The following CAMKMT variants were observed in gnomAD, a reference collection of about 807,000 sequenced individuals.
The protein encoded by CAMKMT is calmodulin-lysine N-methyltransferase.
Under a neutral mutation model 48.0 loss-of-function variants are expected in CAMKMT, and 53 were observed. The ratio of observed to expected loss-of-function variants is 1.10; its 90% CI spans 0.89 to 1.39. The LOEUF is 1.39. Ranked by LOEUF, CAMKMT falls within the 40% of genes most tolerant of loss-of-function variation. The pLI is 0.00. For synonymous variants in CAMKMT, 165 were observed against 152.3 expected (o/e 1.08, Z -0.61); for missense variants, 428 against 402.7 (o/e 1.06, Z -0.54).
chr2:44,621,875 T>C (rs955764504), intron 3 of CAMKMT, among the ~76,000 whole-genome samples: 1 of 152,232 alleles, frequency 6.6e-6, no homozygotes, highest in Non-Finnish European at 1.5e-5. Flanking sequence ...GATAAAAGAC[T>C]ATTGCATTAT....
intron 3 of CAMKMT, among the ~76,000 whole-genome samples, chr2:44,436,650 A>T (rs976172892): frequency 1.3e-5 from 2 of 152,064 alleles, no homozygotes; most frequent in Non-Finnish European, 2.9e-5. Context: ...TCTGAGGGCC[A>T]GATTTGACCA....
intron 3 of CAMKMT, among the ~76,000 whole-genome samples, chr2:44,493,388 G>T (rs969934113): frequency 2.0e-5 from 3 of 152,168 alleles, no homozygotes; most frequent in Admixed American, 6.5e-5. Context: ...TTTTAGTTCT[G>T]GACTTCTACT....
intron 3 of CAMKMT, among the ~76,000 whole-genome samples, chr2:44,437,301 C>T (rs1288369375): frequency 6.6e-6 from 1 of 152,098 alleles, no homozygotes; most frequent in African/African-American, 2.4e-5. Flanking sequence ...TCTCCAACTC[C>T]TTAATTCATT....
chr2:44,614,997 C>A (rs1671806407), intron 3 of CAMKMT, among the ~76,000 whole-genome samples: 1 of 118,708 alleles, frequency 8.4e-6, no homozygotes, highest in Non-Finnish European at 1.6e-5. Flanking sequence ...GGCTAGAGTG[C>A]AGTGGTGACA....
At chr2:44,486,872 C>G (rs1314285120) in intron 3 of CAMKMT, among the ~76,000 whole-genome samples, 3 of 152,158 alleles carry the variant, frequency 2.0e-5, no homozygotes, top group African/African-American at 7.2e-5. Flanking sequence ...AATTTAGATT[C>G]CAGTGCCTAA....
chr2:44,704,938 GAAAA>G (rs201771458), intron 4 of CAMKMT, among the ~76,000 whole-genome samples: 1 of 134,440 alleles, frequency 7.4e-6, no homozygotes, highest in Non-Finnish European at 1.6e-5. Flanking sequence ...TGGAATTTAG[GAAAA>G]AAAAAAAAAA....
intron 3 of CAMKMT, among the ~76,000 whole-genome samples, chr2:44,633,113 C>T (rs909703205): frequency 2.6e-5 from 4 of 152,184 alleles, no homozygotes; most frequent in African/African-American, 9.6e-5. Context: ...ATTCCATTGT[C>T]CCCTGGCTTC....
At chr2:44,616,260 T>C (rs1002419747) in intron 3 of CAMKMT, among the ~76,000 whole-genome samples, 6 of 152,160 alleles carry the variant, frequency 3.9e-5, no homozygotes, top group African/African-American at 1.2e-4. Flanking sequence ...AAAACACAAG[T>C]TTGCTCCTGT....
intron 3 of CAMKMT, among the ~76,000 whole-genome samples, chr2:44,398,106 C>A (rs1682024314): frequency 6.6e-6 from 1 of 152,122 alleles, no homozygotes; most frequent in Non-Finnish European, 1.5e-5. Context: ...CAGTATTTGT[C>A]AGGAGCTTTG....
intron 7 of CAMKMT, among the ~76,000 whole-genome samples, chr2:44,726,996 T>C (rs979068770): frequency 6.6e-6 from 1 of 152,180 alleles, no homozygotes; most frequent in Non-Finnish European, 1.5e-5. Flanking sequence ...TTTATACCAG[T>C]ACCAAGCTGT....
intron 3 of CAMKMT, among the ~76,000 whole-genome samples, chr2:44,635,733 G>C (rs1449592030): frequency 1.3e-5 from 2 of 152,184 alleles, no homozygotes; most frequent in Admixed American, 1.3e-4. Flanking sequence ...CAGTTCCAGG[G>C]TTTTGTAGCT....
chr2:44,391,005 A>G (rs1377110364), intron 3 of CAMKMT, among the ~76,000 whole-genome samples: 2 of 152,176 alleles, frequency 1.3e-5, no homozygotes, highest in Admixed American at 1.3e-4. Flanking sequence ...TGTTTTTTGT[A>G]TAGGACATTT....
intron 3 of CAMKMT, among the ~76,000 whole-genome samples, chr2:44,400,279 T>A (rs990052281): frequency 2.6e-5 from 4 of 152,174 alleles, no homozygotes; most frequent in African/African-American, 7.2e-5. Context: ...CAATAATTTT[T>A]AAAAAATTAC....
At chr2:44,378,168 G>A (rs945790232) in intron 2 of CAMKMT, among the ~76,000 whole-genome samples, 2 of 152,142 alleles carry the variant, frequency 1.3e-5, no homozygotes, top group African/African-American at 4.8e-5. Flanking sequence ...AGAAAACTGT[G>A]AATTCCATTG....
intron 3 of CAMKMT, among the ~76,000 whole-genome samples, chr2:44,588,830 G>A (rs1180039834): frequency 1.6e-4 from 6 of 37,176 alleles, no homozygotes. Context: ...GGTGGGGGGG[G>A]TCAGCCCCCC....
intron 3 of CAMKMT, among the ~76,000 whole-genome samples, chr2:44,565,270 T>G (rs77009028): frequency 0.028 from 4,193 of 152,038 alleles, 188 homozygotes; most frequent in African/African-American, 0.096. Flanking sequence ...GAAAAAGAAA[T>G]AAACATTAAA....
chr2:44,401,787 G>A (rs901094911), intron 3 of CAMKMT, among the ~76,000 whole-genome samples: 14 of 152,094 alleles, frequency 9.2e-5, no homozygotes, highest in Non-Finnish European at 1.6e-4. Flanking sequence ...TGCTTTCGGA[G>A]TCTTTTCTGA....
At chr2:44,397,537 C>G (rs1681967036) in intron 3 of CAMKMT, among the ~76,000 whole-genome samples, 1 of 152,160 alleles carries the variant, frequency 6.6e-6, no homozygotes, top group African/African-American at 2.4e-5. Flanking sequence ...AGCCATGTGT[C>G]TCCAACTTCT....
At chr2:44,589,977 G>C (rs1345684657) in intron 3 of CAMKMT, among the ~76,000 whole-genome samples, 1 of 140,910 alleles carries the variant, frequency 7.1e-6, no homozygotes, top group African/African-American at 2.7e-5. Context: ...ACTGTTATTT[G>C]TGTATTGACC....
Sources: allele counts gnomAD v4.1 joint callset (sites outside exome capture counted in the v4.1 genomes callset), GRCh38; gene constraint gnomAD v4.1.1; transcripts MANE v1.5; gene names NCBI Gene and HGNC (gene_info 2026-07-23, HGNC 2026-07-21).